Variants in SLC39A11 observed in about 807,000 individuals in gnomAD.
SLC39A11 encodes the protein zinc transporter ZIP11.
SLC39A11 carries 33 observed loss-of-function variants against 36.1 expected under a neutral mutation model. The ratio of observed to expected loss-of-function variants is 0.91; its 90% CI spans 0.69 to 1.22. The LOEUF (loss-of-function observed/expected upper bound fraction) is 1.22, where lower values mean the gene tolerates loss of function less well. Among genes scored for constraint, SLC39A11 ranks in the 50% most tolerant of loss-of-function variants. SLC39A11 has a pLI of 0.00. For missense variants in SLC39A11, 432 were observed against 430.3 expected (o/e 1.00, Z -0.03); for synonymous variants, 166 against 170.3 (o/e 0.97, Z 0.20).
chr17:72,843,138 C>T (rs1032795530), intron 6 of SLC39A11, among the ~76,000 whole-genome samples: 12 of 152,068 alleles, frequency 7.9e-5, no homozygotes, highest in African/African-American at 2.9e-4. Flanking sequence ...TTAGTAGAGA[C>T]GGGGTGTCAT....
chr17:73,065,825 T>C (rs992421088), intron 3 of SLC39A11, among the ~76,000 whole-genome samples: 1 of 152,224 alleles, frequency 6.6e-6, no homozygotes, highest in African/African-American at 2.4e-5. Flanking sequence ...GTTAGTAAAC[T>C]GAATAGACAC....
chr17:72,652,008 C>G (rs552601546), intron 7 of SLC39A11, among the ~76,000 whole-genome samples: 2 of 152,314 alleles, frequency 1.3e-5, no homozygotes, highest in African/African-American at 4.8e-5. Flanking sequence ...TAGGGGGCAG[C>G]AAACTTTTTC....
intron 6 of SLC39A11, among the ~76,000 whole-genome samples, chr17:72,765,830 C>T (rs938988055): frequency 2.0e-5 from 3 of 152,188 alleles, no homozygotes; most frequent in Non-Finnish European, 4.4e-5. Context: ...AAAGGACCGT[C>T]TGACTTATAA....
intron 6 of SLC39A11, among the ~76,000 whole-genome samples, chr17:72,815,180 A>T (rs1367131581): frequency 6.6e-6 from 1 of 152,200 alleles, no homozygotes; most frequent in Non-Finnish European, 1.5e-5. Flanking sequence ...GCTCATCAAT[A>T]CCTAAAACTT....
chr17:72,678,773 A>G (rs2071389340), intron 7 of SLC39A11, among the ~76,000 whole-genome samples: 1 of 152,158 alleles, frequency 6.6e-6, no homozygotes, highest in Non-Finnish European at 1.5e-5. Context: ...TCGATTCACA[A>G]ATAATTTCTG....
At chr17:73,025,468 A>G (rs1485825151) in intron 4 of SLC39A11, among the ~76,000 whole-genome samples, 4 of 152,236 alleles carry the variant, frequency 2.6e-5, no homozygotes, top group African/African-American at 4.8e-5. Context: ...ACATGCAAAC[A>G]TATGTAAAAG....
At chr17:72,729,449 A>ATTTTTT (rs2074117088) in intron 7 of SLC39A11, among the ~76,000 whole-genome samples, 1 of 5,164 alleles carries the variant, frequency 1.9e-4, no homozygotes, top group African/African-American at 6.0e-4. Context: ...ATATATATAT[A>ATTTTTT]TATATATATT....
At chr17:72,969,218 C>T (rs575391452) in intron 4 of SLC39A11, among the ~76,000 whole-genome samples, 1 of 152,164 alleles carries the variant, frequency 6.6e-6, no homozygotes, top group Admixed American at 6.5e-5. Flanking sequence ...CAGCTGGTTC[C>T]AAGGAGACCA....
chr17:73,076,795 T>C (rs1249203430), intron 3 of SLC39A11, among the ~76,000 whole-genome samples: 1 of 139,844 alleles, frequency 7.2e-6, no homozygotes, highest in East Asian at 2.1e-4. Context: ...GGGGACTTTC[T>C]TTTTTTCTTT....
At position 72,947,833 on chromosome 17, in the gene SLC39A11, CGAA is replaced by C; in HGVS notation, c.346_348del (p.Phe116del). The C allele has an allele frequency of 6.2e-7, 1 of 1,614,130 alleles. No individual in the cohort carries two copies. The highest frequency in any genetic ancestry group is 8.5e-7 in the Non-Finnish European group (1 of 1,180,022). On this transcript the variant is annotated inframe_deletion, in exon 5 of 10. Coordinates refer to ENST00000255559, the MANE Select transcript of SLC39A11 (RefSeq NM_139177.4). ...GACTTCTTCTTCATCAACGTAGAGC[CGAA>C]GTTCAGTGCCAGGGTCGTCTGGGGG...
rs1043613494 is a variant in SLC39A11, at chr17:72,805,320, T to TAGTA, written c.601+44310_601+44313dup. On this transcript the variant is annotated intron_variant, in intron 6 of 9. Transcript: ENST00000255559. ...GCCTCCCACCTCCAGGCAGAAGGAATAGTAGCTCAAGCTTGCCTACTCTCG... is the reference window on the plus strand; with the variant it reads ...GCCTCCCACCTCCAGGCAGAAGGAATAGTAAGTAGCTCAAGCTTGCCTACTCTCG... 4.6e-5 allele frequency among the ~76,000 whole-genome samples: 7 copies of TAGTA among 152,070 alleles called. 1 individual carries two copies. Among genetic ancestry groups the TAGTA allele is most frequent in the Non-Finnish European group, 1.0e-4 (7 of 68,018 alleles).
rs370221244 is a variant in SLC39A11, at chr17:72,711,038, A to G, written c.671+25612T>C. 1.8e-4 allele frequency among the ~76,000 whole-genome samples: 28 copies of G among 152,308 alleles called. 1 individual carries two copies. Among genetic ancestry groups the G allele is most frequent in the African/African-American group, 6.0e-4 (25 of 41,570 alleles). On this transcript the variant is annotated intron_variant, in intron 7 of 9. Coordinates refer to ENST00000255559, the MANE Select transcript of SLC39A11 (RefSeq NM_139177.4). Reference sequence around the variant, plus strand: ...CTTGCGACAGAATTGCACAACCTTCATACAGCATGCAAGGCCTCTGATGAT... The same window carrying G: ...CTTGCGACAGAATTGCACAACCTTCGTACAGCATGCAAGGCCTCTGATGAT...
chr17:72,652,179 G>A (rs913814567), intron 7 of SLC39A11, among the ~76,000 whole-genome samples: 1 of 152,174 alleles, frequency 6.6e-6, no homozygotes, highest in African/African-American at 2.4e-5. Flanking sequence ...ACAAATGAGT[G>A]GGGGGCCAGA....
chr17:72,887,054 T>C (rs1240033414), intron 5 of SLC39A11, among the ~76,000 whole-genome samples: 1 of 152,224 alleles, frequency 6.6e-6, no homozygotes, highest in Non-Finnish European at 1.5e-5. Flanking sequence ...CAGAGCCAGA[T>C]AACATTACCT....
chr17:73,045,483 A>G (rs749272681), intron 3 of SLC39A11, among the ~76,000 whole-genome samples: 7 of 149,854 alleles, frequency 4.7e-5, no homozygotes, highest in African/African-American at 1.7e-4. Flanking sequence ...AACTCAGCTC[A>G]GCCAACATTT....
chr17:72,737,257 C>T (rs1321032257), intron 6 of SLC39A11, among the ~76,000 whole-genome samples: 1 of 148,116 alleles, frequency 6.8e-6, no homozygotes, highest in Non-Finnish European at 1.5e-5. Context: ...GCCTGGGTGA[C>T]AAAGTGAGAC....
intron 5 of SLC39A11, among the ~76,000 whole-genome samples, chr17:72,886,192 C>T (rs2081430439): frequency 6.6e-6 from 1 of 152,220 alleles, no homozygotes; most frequent in Non-Finnish European, 1.5e-5. Flanking sequence ...GCTCTTCGCT[C>T]TCCTGCCTAC....
At chr17:72,722,581 TTG>T (rs1171967098) in intron 7 of SLC39A11, among the ~76,000 whole-genome samples, 1 of 152,164 alleles carries the variant, frequency 6.6e-6, no homozygotes, top group Non-Finnish European at 1.5e-5. Flanking sequence ...AGAAAGGACT[TTG>T]TTTTATCCTG....
At position 72,937,403 on chromosome 17, in the gene SLC39A11, C is replaced by T. The variant is rs187729082; in HGVS notation, c.430+10349G>A. ...CTGGGAGGCGGAGGTTGCAGTGAGC[C>T]GAGATTGCGCCACTGCACTTCAGTC... On this transcript the variant is annotated intron_variant, in intron 5 of 9. Transcript: ENST00000255559. 2.4e-3 allele frequency among the ~76,000 whole-genome samples: 372 copies of T among 152,094 alleles called. 3 individuals are homozygous for T. Among genetic ancestry groups the T allele is most frequent in the African/African-American group, 8.4e-3 (348 of 41,508 alleles).
Sources: gnomAD v4.1 joint callset for allele counts (sites outside exome capture counted in the v4.1 genomes callset) on GRCh38, gnomAD v4.1.1 for gene constraint, MANE v1.5 for transcripts, NCBI Gene and HGNC (gene_info 2026-07-23, HGNC 2026-07-21) for gene names.